Variants in HMG20A observed in about 807,000 individuals in gnomAD.
HMG20A encodes high mobility group 20A, also known as high mobility group protein 20A.
In HMG20A, 17 loss-of-function variants were observed where a neutral mutation model predicts 43.9. The observed-to-expected ratio is 0.39, with a 90% CI of 0.27 to 0.58. The LOEUF (loss-of-function observed/expected upper bound fraction) is 0.58, where lower values mean the gene tolerates loss of function less well. Among genes scored for constraint, HMG20A ranks in the 20% least tolerant of loss-of-function variants. HMG20A has a pLI of 0.59. For missense variants in HMG20A, 341 were observed against 438.2 expected (o/e 0.78, Z 1.98); for synonymous variants, 132 against 147.5 (o/e 0.89, Z 0.76).
chr15:77,427,308 G>A (rs1428065391), intron 1 of HMG20A, among the ~76,000 whole-genome samples: 1 of 152,110 alleles, frequency 6.6e-6, no homozygotes, highest in East Asian at 1.9e-4. Flanking sequence ...CCTTTTATGT[G>A]CCAGGCACTA....
downstream of HMG20A, among the ~76,000 whole-genome samples, chr15:77,490,408 A>T (rs1181391641): frequency 1.3e-5 from 2 of 152,220 alleles, no homozygotes; most frequent in Non-Finnish European, 2.9e-5. Flanking sequence ...CCAAGTGAGA[A>T]ATGACAGTGG....
intron 1 of HMG20A, among the ~76,000 whole-genome samples, chr15:77,448,946 G>A (rs939797250): frequency 1.3e-5 from 2 of 152,116 alleles, no homozygotes. Context: ...AGCCACTCGG[G>A]AGGCTGAGGC....
At position 77,484,073 on chromosome 15, in the gene HMG20A, C is replaced by G. The variant is rs1263247066; in HGVS notation, c.*1110C>G. 2.0e-5 allele frequency: 3 copies of G among 152,126 alleles called. No homozygotes were observed. Among genetic ancestry groups the G allele is most frequent in the Non-Finnish European group, 2.9e-5 (2 of 68,024 alleles). 9.4% of individuals were successfully genotyped at this position (152,126 alleles called of 1,614,324 possible). ...CCTTCCCCCTCCTTAGTGATTTTTT[C>G]TTTAACAGCATAAGTAAAGAGGACT... On this transcript the variant is annotated 3_prime_UTR_variant, in exon 10 of 10. Coordinates refer to ENST00000336216, the MANE Select transcript of HMG20A (RefSeq NM_001304504.2).
intron 6 of HMG20A, among the ~76,000 whole-genome samples, chr15:77,474,511 A>G (rs1476572348): frequency 6.6e-6 from 1 of 152,256 alleles, no homozygotes; most frequent in Non-Finnish European, 1.5e-5. Flanking sequence ...TTGACAGCAC[A>G]GTGCCATGCT....
At chr15:77,440,962 A>G (rs1490835833) in intron 1 of HMG20A, among the ~76,000 whole-genome samples, 2 of 152,174 alleles carry the variant, frequency 1.3e-5, no homozygotes, top group East Asian at 3.8e-4. Flanking sequence ...ATTAAGTGGT[A>G]TCATACACGT....
the HMG20A span, among the ~76,000 whole-genome samples, chr15:77,507,896 G>A: frequency 3.1e-3 from 466 of 149,844 alleles, 2 homozygotes; most frequent in Non-Finnish European, 5.5e-3. Flanking sequence ...GGTGCTGAGC[G>A]TAGGTCTGGA....
At chr15:77,493,024 T>C in the HMG20A span, among the ~76,000 whole-genome samples, 1 of 152,166 alleles carries the variant, frequency 6.6e-6, no homozygotes, top group African/African-American at 2.4e-5. Context: ...CAGCTCTCCA[T>C]ATGCAGTCTA....
At chr15:77,425,301 G>T (rs1340213687) in intron 1 of HMG20A, among the ~76,000 whole-genome samples, 2 of 152,138 alleles carry the variant, frequency 1.3e-5, no homozygotes. Flanking sequence ...ACTCTGTGCT[G>T]TCATACCTGG....
At chr15:77,448,950 C>T (rs2073705222) in intron 1 of HMG20A, among the ~76,000 whole-genome samples, 1 of 152,036 alleles carries the variant, frequency 6.6e-6, no homozygotes, top group African/African-American at 2.4e-5. Context: ...ACTCGGGAGG[C>T]TGAGGCCGAG....
chr15:77,505,336 G>A, the HMG20A span, among the ~76,000 whole-genome samples: 2 of 152,254 alleles, frequency 1.3e-5, no homozygotes, highest in Non-Finnish European at 2.9e-5. Flanking sequence ...CAGAGCTGAT[G>A]CAGCTCAGAC....
chr15:77,509,399 T>G, the HMG20A span, among the ~76,000 whole-genome samples: 1 of 151,756 alleles, frequency 6.6e-6, no homozygotes, highest in African/African-American at 2.4e-5. Context: ...AGACTATAGG[T>G]GCATACCACC....
At chr15:77,469,232 C>T (rs769420127) in intron 4 of HMG20A, among the ~76,000 whole-genome samples, 7 of 104,846 alleles carry the variant, frequency 6.7e-5, no homozygotes, top group Admixed American at 1.0e-4. Context: ...TATGGGGAGA[C>T]GATTTAAGAA....
rs16968849 is a variant in HMG20A, at chr15:77,475,349, G to A, written c.616-2206G>A. Among the ~76,000 whole-genome samples, 726 of 152,324 alleles carry A rather than the reference G, an allele frequency of 4.8e-3. 4 individuals are homozygous for A. Among genetic ancestry groups the A allele is most frequent in the African/African-American group, 0.016 (675 of 41,578 alleles). Reference sequence around the variant, plus strand: ...TTTAATGTTTCTTATTTTGTGCTCTGAGAATCTGTACCAAGGGGCAGTGTG... The same window carrying A: ...TTTAATGTTTCTTATTTTGTGCTCTAAGAATCTGTACCAAGGGGCAGTGTG... On this transcript the variant is annotated intron_variant, in intron 6 of 9. Transcript: ENST00000336216.
intron 1 of HMG20A, among the ~76,000 whole-genome samples, chr15:77,439,362 T>C (rs2073585840): frequency 6.6e-6 from 1 of 152,210 alleles, no homozygotes; most frequent in Non-Finnish European, 1.5e-5. Flanking sequence ...CCTGTGAATA[T>C]TTTCGTCACT....
At chr15:77,429,543 G>A (rs1266625410) in intron 1 of HMG20A, among the ~76,000 whole-genome samples, 4 of 152,086 alleles carry the variant, frequency 2.6e-5, no homozygotes, top group Admixed American at 2.6e-4. Flanking sequence ...AATAACAGTA[G>A]CAGTTATATC....
At chr15:77,479,358 A>T (rs202153101) in intron 9 of HMG20A, 37 bp downstream of exon 9, 152 of 1,592,626 alleles carry the variant, frequency 9.5e-5, no homozygotes, top group Non-Finnish European at 1.2e-4. Flanking sequence ...ATGCCAGCAC[A>T]TCATCAAAAA....
chr15:77,450,724 C>T (rs2073727554), intron 1 of HMG20A, among the ~76,000 whole-genome samples: 1 of 152,198 alleles, frequency 6.6e-6, no homozygotes, highest in South Asian at 2.1e-4. Flanking sequence ...CAAACAATGG[C>T]AAGTTGAATA....
At chr15:77,426,186 C>T (rs1278617295) in intron 1 of HMG20A, among the ~76,000 whole-genome samples, 1 of 152,064 alleles carries the variant, frequency 6.6e-6, no homozygotes, top group East Asian at 1.9e-4. Context: ...GGTTGCATAA[C>T]CTTATATACT....
At chr15:77,427,873 A>G (rs745957898) in intron 1 of HMG20A, among the ~76,000 whole-genome samples, 25 of 152,242 alleles carry the variant, frequency 1.6e-4, no homozygotes, top group African/African-American at 4.3e-4. Context: ...GCATTTTTCC[A>G]TATGAGAAAA....
Sources: allele counts gnomAD v4.1 joint callset (sites outside exome capture counted in the v4.1 genomes callset), GRCh38; gene constraint gnomAD v4.1.1; transcripts MANE v1.5; gene names NCBI Gene and HGNC (gene_info 2026-07-23, HGNC 2026-07-21).